The following FOXN3 variants were observed in gnomAD, a reference collection of about 807,000 sequenced individuals.
The protein encoded by FOXN3 is forkhead box protein N3.
A neutral mutation model predicts 38.4 loss-of-function variants in FOXN3; 7 were observed. The ratio of observed to expected loss-of-function variants is 0.18; its 90% confidence interval spans 0.10 to 0.34. The LOEUF is 0.34. Among genes scored for constraint, FOXN3 ranks in the 10% least tolerant of loss-of-function variants. The probability of loss-of-function intolerance (pLI) is 1.00; values close to 1 mark genes in which losing one functional copy is unlikely to be tolerated. For missense variants in FOXN3, 456 were observed against 613.4 expected (o/e 0.74, Z 2.71); for synonymous variants, 230 against 242.2 (o/e 0.95, Z 0.47).
chr14:89,328,399 G>A (rs547717491), intron 3 of FOXN3, among the ~76,000 whole-genome samples: 1 of 151,520 alleles, frequency 6.6e-6, no homozygotes, highest in African/African-American at 2.4e-5. Flanking sequence ...ATGAATGGGT[G>A]AAGAGACATT....
chr14:89,192,020 C>A (rs1320578928), intron 4 of FOXN3, among the ~76,000 whole-genome samples: 2 of 130,908 alleles, frequency 1.5e-5, no homozygotes, highest in Non-Finnish European at 3.0e-5. Flanking sequence ...AATCATTAAT[C>A]ATCAACTAAC....
chr14:89,260,231 C>T (rs1349976566), intron 4 of FOXN3, among the ~76,000 whole-genome samples: 1 of 152,246 alleles, frequency 6.6e-6, no homozygotes, highest in Non-Finnish European at 1.5e-5. Context: ...GAACTAACTC[C>T]CCAAATACTA....
intron 1 of FOXN3, among the ~76,000 whole-genome samples, chr14:89,601,768 T>C (rs935804248): frequency 2.0e-5 from 3 of 152,160 alleles, no homozygotes; most frequent in South Asian, 2.1e-4. Flanking sequence ...TGTTTTTTTT[T>C]CCTGCTTCTC....
intron 2 of FOXN3, among the ~76,000 whole-genome samples, chr14:89,396,490 T>C (rs1255663034): frequency 4.6e-5 from 7 of 152,176 alleles, no homozygotes; most frequent in Admixed American, 1.3e-4. Flanking sequence ...CAGAGTATGA[T>C]GGGGACCACA....
chr14:89,549,173 T>C (rs1894949064), intron 1 of FOXN3, among the ~76,000 whole-genome samples: 1 of 151,882 alleles, frequency 6.6e-6, no homozygotes, highest in African/African-American at 2.4e-5. Flanking sequence ...TAAATGCTCT[T>C]TATTCTGAAA....
At chr14:89,598,402 C>T (rs1489043860) in intron 1 of FOXN3, among the ~76,000 whole-genome samples, 1 of 152,082 alleles carries the variant, frequency 6.6e-6, no homozygotes. Flanking sequence ...TTACTGAATA[C>T]TTCCTTTAGT....
At chr14:89,210,400 C>T (rs1454545188) in intron 4 of FOXN3, among the ~76,000 whole-genome samples, 2 of 152,180 alleles carry the variant, frequency 1.3e-5, no homozygotes, top group Admixed American at 1.3e-4. Context: ...CTCCATGCTT[C>T]CTGTACAGCC....
At chr14:89,566,445 T>TA (rs1566702284) in intron 1 of FOXN3, among the ~76,000 whole-genome samples, 15 of 150,698 alleles carry the variant, frequency 1.0e-4, no homozygotes, top group African/African-American at 3.7e-4. Context: ...AATAATTTTT[T>TA]TAAAAAAAAA....
chr14:89,334,006 A>ATATGTATGTATG (rs1240942944), intron 3 of FOXN3, among the ~76,000 whole-genome samples: 3 of 49,398 alleles, frequency 6.1e-5, no homozygotes, highest in African/African-American at 1.8e-4. Context: ...ATATATATAT[A>ATATGTATGTATG]TATGTATATA....
At chr14:89,488,088 CTTT>C (rs35977508) in intron 1 of FOXN3, among the ~76,000 whole-genome samples, 4 of 137,610 alleles carry the variant, frequency 2.9e-5, no homozygotes, top group Non-Finnish European at 3.2e-5. Context: ...AGGGGCTCTT[CTTT>C]TTTTTTTTTT....
At chr14:89,523,429 A>G (rs149478850) in intron 1 of FOXN3, among the ~76,000 whole-genome samples, 276 of 152,372 alleles carry the variant, frequency 1.8e-3, no homozygotes, top group African/African-American at 5.8e-3. Context: ...ACATTTACCA[A>G]GACAGATCTC....
intron 1 of FOXN3, among the ~76,000 whole-genome samples, chr14:89,537,258 G>C (rs530305860): frequency 3.4e-4 from 52 of 152,344 alleles, no homozygotes; most frequent in Admixed American, 2.5e-3. Flanking sequence ...TCCATGAAAT[G>C]CTTGGTGGAT....
At chr14:89,280,705 G>C (rs555657871) in intron 4 of FOXN3, among the ~76,000 whole-genome samples, 1 of 151,908 alleles carries the variant, frequency 6.6e-6, no homozygotes, top group Non-Finnish European at 1.5e-5. Context: ...CAGTGACGGC[G>C]GGCCAAAGAA....
intron 1 of FOXN3, among the ~76,000 whole-genome samples, chr14:89,530,461 A>C (rs1052294356): frequency 1.3e-5 from 2 of 152,162 alleles, no homozygotes; most frequent in Admixed American, 1.3e-4. Flanking sequence ...ACTGGCTCCC[A>C]TGATTCAATT....
rs1269050685 is a variant in FOXN3, at chr14:89,363,967, TATATATATATATATATATATA to T, written c.544-13180_544-13160del. On this transcript the variant is annotated intron_variant, in intron 2 of 5. Coordinates refer to ENST00000557258, the MANE Select transcript of FOXN3 (RefSeq NM_005197.4). ...TGTAAAATATATATATATATATATA[TATATATATATATATATATATA>T]ATATATATATATATTCTTCCATATC... Among the ~76,000 whole-genome samples, 150 of 98,586 alleles carry T rather than the reference TATATATATATATATATATATA, an allele frequency of 1.5e-3. 5 individuals are homozygous for T. The highest frequency in any genetic ancestry group is 7.2e-3 in the African/African-American group (137 of 18,940). The allele number at this position is 98,586 out of a possible 152,430, so 64.7% of individuals were successfully genotyped here.
chr14:89,330,019 T>C (rs1302633449), intron 3 of FOXN3, among the ~76,000 whole-genome samples: 1 of 152,086 alleles, frequency 6.6e-6, no homozygotes, highest in Admixed American at 6.5e-5. Flanking sequence ...TCCCCCGCCA[T>C]TTGTGGTAAA....
At position 89,380,120 on chromosome 14, in the gene FOXN3, T is replaced by A. The variant is rs527541157; in HGVS notation, c.544-29312A>T. Among the ~76,000 whole-genome samples the A allele has an allele frequency of 2.0e-5, 3 of 152,280 alleles. No homozygotes were observed. The South Asian group carries it at 6.2e-4, about 32-fold the overall frequency. On this transcript the variant is annotated intron_variant, in intron 2 of 5. Transcript: ENST00000557258. ...TTGTAGTTCCCATAATTCCCACATG[T>A]CGGGGGAGGGACCCGGGGGGAAGTA...
chr14:89,310,710 C>T (rs931977269), intron 3 of FOXN3, among the ~76,000 whole-genome samples: 1 of 152,130 alleles, frequency 6.6e-6, no homozygotes, highest in Admixed American at 6.6e-5. Flanking sequence ...ACACTAACTA[C>T]TATAAAAGAG....
intron 2 of FOXN3, among the ~76,000 whole-genome samples, chr14:89,392,072 T>C (rs779845694): frequency 6.6e-6 from 1 of 152,118 alleles, no homozygotes; most frequent in African/African-American, 2.4e-5. Flanking sequence ...ACCCAAACCA[T>C]CTGCCCCCTA....
Sources: allele counts gnomAD v4.1 joint callset (sites outside exome capture counted in the v4.1 genomes callset), GRCh38; gene constraint gnomAD v4.1.1; transcripts MANE v1.5; gene names NCBI Gene and HGNC (gene_info 2026-07-23, HGNC 2026-07-21).